The following ILDR2 variants were observed in gnomAD, a reference collection of about 807,000 sequenced individuals.
The protein encoded by ILDR2 is immunoglobulin like domain containing receptor 2, also known as immunoglobulin-like domain-containing receptor 2.
In ILDR2, 25 loss-of-function variants were observed where a neutral mutation model predicts 66.8. That is an observed-to-expected ratio of 0.37 (90% CI 0.27 to 0.52). ILDR2 has a LOEUF of 0.52. ILDR2 is among the 20% of genes least tolerant of loss of function. The pLI, the probability that ILDR2 is intolerant of heterozygous loss-of-function variation, is 0.88. For synonymous variants in ILDR2, 367 were observed against 357.2 expected, an observed-to-expected ratio of 1.03 and a Z score of -0.31; for missense variants, 827 against 876.8, an observed-to-expected ratio of 0.94 and a Z score of 0.72.
At chr1:166,960,082 C>T (rs1280559118) in intron 1 of ILDR2, among the ~76,000 whole-genome samples, 1 of 152,174 alleles carries the variant, frequency 6.6e-6, no homozygotes, top group Non-Finnish European at 1.5e-5. Flanking sequence ...GGGCAAGATA[C>T]ATGTTTGTAC....
In ILDR2 at chr1:166,909,483, T is replaced by C. The variant is rs575634370; in HGVS notation, c.*9872A>G. ...TGTTCTTAAGCTAGTCTGAGCTATC[T>C]TCCTGTCATTTGCAACCAAAAATTT... On this transcript the variant is annotated 3_prime_UTR_variant, in exon 10 of 10. Transcript: ENST00000271417. 6.6e-6 allele frequency: 1 copy of C among 151,862 alleles called. No individual in the cohort carries two copies. The highest frequency in any genetic ancestry group is 1.9e-4 in the East Asian group (1 of 5,152). 9.4% of individuals were successfully genotyped at this position (151,862 alleles called of 1,614,324 possible). A position where few individuals can be genotyped will look rare whatever the true frequency, so the allele number is the denominator to read the frequency against.
chr1:166,908,593 C>G lies in ILDR2; in HGVS notation c.*10762G>C, dbSNP rs997733612. The G allele has an allele frequency of 5.3e-5, 8 of 152,180 alleles. No homozygotes were observed. The highest frequency in any genetic ancestry group is 1.2e-4 in the Non-Finnish European group (8 of 68,034). The allele number at this position is 152,180 out of a possible 1,614,324, so 9.4% of individuals were successfully genotyped here. ...CCAGCATTAAGTATTTTTCTTGAAA[C>G]TGTCTGGAACCTCTAACAAAAAAAG... On this transcript the variant is annotated 3_prime_UTR_variant, in exon 10 of 10. Coordinates refer to ENST00000271417, the MANE Select transcript of ILDR2 (RefSeq NM_199351.3).
chr1:166,958,126 G>A (rs376741265), intron 1 of ILDR2, 25 bp from the exon 2 acceptor site: 26 of 1,578,576 alleles, frequency 1.6e-5, no homozygotes, highest in South Asian at 8.0e-5. Flanking sequence ...AAACATGTCC[G>A]AACAGTGTCC....
At chr1:166,898,037 G>C (rs1307537762) in intron 2 of ILDR2, among the ~76,000 whole-genome samples, 1 of 152,194 alleles carries the variant, frequency 6.6e-6, no homozygotes, top group African/African-American at 2.4e-5. Context: ...ACTCATTCTG[G>C]GTAGCTAGCA....
rs932683627 is a variant in ILDR2, at chr1:166,936,931, G to A, written c.557-194C>T. On this transcript the variant is annotated intron_variant, in intron 4 of 9. Coordinates refer to ENST00000271417, the MANE Select transcript of ILDR2 (RefSeq NM_199351.3). The surrounding 1 kb of genome is among the most constrained non-coding windows in gnomAD (Gnocchi z 5.0). Reference sequence around the variant, plus strand: ...AGGAGTGCAGACCCTCAGTCCCGGGGAATGGAGAAGAGGGAAGAAGGTTAT... The same window carrying A: ...AGGAGTGCAGACCCTCAGTCCCGGGAAATGGAGAAGAGGGAAGAAGGTTAT... 3.3e-5 allele frequency among the ~76,000 whole-genome samples: 5 copies of A among 152,164 alleles called. No homozygotes were observed. The highest frequency in any genetic ancestry group is 3.3e-4 in the Admixed American group (5 of 15,282).
chr1:166,934,258 G>T (rs1333046228), intron 6 of ILDR2, among the ~76,000 whole-genome samples: 1 of 152,062 alleles, frequency 6.6e-6, no homozygotes, highest in Non-Finnish European at 1.5e-5. Flanking sequence ...CTCAAATGGG[G>T]CTAACCTTCA....
chr1:166,916,849 G>A lies in ILDR2; in HGVS notation c.*2506C>T, dbSNP rs1362508510. On this transcript the variant is annotated 3_prime_UTR_variant, in exon 10 of 10. Coordinates refer to ENST00000271417, the MANE Select transcript of ILDR2 (RefSeq NM_199351.3). ...TTTTAATAATTCTTTCTTTCCCATT[G>A]CTACCCTCAACCTTCACCAAAATCA... 6.6e-6 allele frequency: 1 copy of A among 152,082 alleles called. No individual in the cohort carries two copies. Among genetic ancestry groups the A allele is most frequent in the Non-Finnish European group, 1.5e-5 (1 of 68,032 alleles). 9.4% of individuals were successfully genotyped at this position (152,082 alleles called of 1,614,324 possible). A position where few individuals can be genotyped will look rare whatever the true frequency, so the allele number is the denominator to read the frequency against.
chr1:166,969,748 A>T (rs191175715), intron 1 of ILDR2, among the ~76,000 whole-genome samples: 4 of 152,352 alleles, frequency 2.6e-5, no homozygotes, highest in Admixed American at 1.3e-4. Context: ...CTAAATCAGG[A>T]GTTACAGTTT....
Position 166,921,053 on chromosome 1 carries a change from A to G in ILDR2, c.1538T>C (p.Leu513Pro). ...RPAEDAHLPR[L>P]VSRTPGTAPK... ...TGCGGTGCCTGGCGTGCGGCTCACC[A>G]GCCGCGGCAGGTGCGCGTCCTCGGC... The change falls in exon 9 of 10, where the codon CTG (leucine) becomes CCG (proline). Residue 513 changes from leucine to proline, a missense_variant. Leu to Pro is a moderately conservative substitution (Grantham distance 98). Transcript: ENST00000271417. This position sits in a 1 kb window ranked among gnomAD's most constrained non-coding sequence, Gnocchi z 5.3. 6.7e-7 allele frequency: 1 copy of G among 1,496,934 alleles called. No individual in the cohort carries two copies. The highest frequency in any genetic ancestry group is 1.3e-5 in the South Asian group (1 of 78,778). The allele number at this position is 1,496,934 out of a possible 1,614,324, so 92.7% of individuals were successfully genotyped here. A position where few individuals can be genotyped will look rare whatever the true frequency, so the allele number is the denominator to read the frequency against.
chr1:166,914,065 T>C lies in ILDR2; in HGVS notation c.*5290A>G, dbSNP rs1311250366. On this transcript the variant is annotated 3_prime_UTR_variant, in exon 10 of 10. Transcript: ENST00000271417. ...GGAGTTTGAGACTGCAGTGAGCTGA[T>C]AGCACCACTGCACTGCACTGCACCA... The C allele has an allele frequency of 1.3e-5, 2 of 148,644 alleles. No individual in the cohort carries two copies. Among genetic ancestry groups the C allele is most frequent in the Non-Finnish European group, 3.0e-5 (2 of 67,680 alleles). The allele number at this position is 148,644 out of a possible 1,614,324, so 9.2% of individuals were successfully genotyped here.
At chr1:166,955,394 G>A (rs1662218712) in intron 3 of ILDR2, among the ~76,000 whole-genome samples, 1 of 152,102 alleles carries the variant, frequency 6.6e-6, no homozygotes, top group Non-Finnish European at 1.5e-5. Context: ...GATCACTTGA[G>A]GACAGGAGTT....
intron 3 of ILDR2, among the ~76,000 whole-genome samples, chr1:166,948,464 T>A (rs898162424): frequency 6.6e-6 from 1 of 152,176 alleles, no homozygotes; most frequent in African/African-American, 2.4e-5. Context: ...TCAAATGGCC[T>A]GGCCTGTGTG....
chr1:166,898,917 G>A lies in ILDR2; in HGVS notation n.172-2816C>T, dbSNP rs113340759. Among the ~76,000 whole-genome samples, 1,359 of 151,800 alleles carry A rather than the reference G, an allele frequency of 9.0e-3. 18 individuals are homozygous for A. Among genetic ancestry groups the A allele is most frequent in the African/African-American group, 0.03 (1,255 of 41,376 alleles). Reference sequence around the variant, plus strand: ...TTAAAAAAAAAAAAAGAAATTAGCCGGACATGGTGGCACATACCTGTAGTC... The same window carrying A: ...TTAAAAAAAAAAAAAGAAATTAGCCAGACATGGTGGCACATACCTGTAGTC... On this transcript the variant is annotated intron_variant and non_coding_transcript_variant, in intron 2 of 2. Transcript: ENST00000414590.
rs1571084990 is a variant in ILDR2 at position 166,911,690 on chromosome 1, C to T, written c.*7665G>A. 2 of 144,948 alleles carry T rather than the reference C, an allele frequency of 1.4e-5. No homozygotes were observed. Among genetic ancestry groups the T allele is most frequent in the South Asian group, 4.3e-4 (2 of 4,690 alleles). 9.0% of individuals were successfully genotyped at this position (144,948 alleles called of 1,614,324 possible). ...AAAAAAAGAGTAAGTCACAAGACAA[C>T]AGGGACTATGTAAATTTGAAAAAGA... On this transcript the variant is annotated 3_prime_UTR_variant, in exon 10 of 10. Transcript: ENST00000271417.
chr1:166,972,199 G>A (rs1183901069), intron 1 of ILDR2, among the ~76,000 whole-genome samples: 2 of 151,434 alleles, frequency 1.3e-5, no homozygotes, highest in Admixed American at 6.6e-5. Flanking sequence ...GTGACAGAGT[G>A]AGACTCTGTC....
At position 166,909,750 on chromosome 1, in the gene ILDR2, T is replaced by TAA. The variant is rs1314122751; in HGVS notation, c.*9604_*9605insTT. 7.1e-4 allele frequency: 77 copies of TAA among 107,978 alleles called. No individual in the cohort carries two copies. The highest frequency in any genetic ancestry group is 2.8e-3 in the African/African-American group (69 of 24,554). The allele number at this position is 107,978 out of a possible 1,614,324, so 6.7% of individuals were successfully genotyped here. ...GTGTATACATACATATATATATATA[T>TAA]ATATATATAAATATATATAAATATA... On this transcript the variant is annotated 3_prime_UTR_variant, in exon 10 of 10. Transcript: ENST00000271417.
intron 6 of ILDR2, among the ~76,000 whole-genome samples, chr1:166,930,563 A>C (rs1360451682): frequency 6.6e-6 from 1 of 152,188 alleles, no homozygotes; most frequent in Non-Finnish European, 1.5e-5. Context: ...AATATACTAA[A>C]CTATTCTCTG....
In ILDR2 at chr1:166,916,283, G is replaced by A. The variant is rs897927585; in HGVS notation, c.*3072C>T. On this transcript the variant is annotated 3_prime_UTR_variant, in exon 10 of 10. Coordinates refer to ENST00000271417, the MANE Select transcript of ILDR2 (RefSeq NM_199351.3). ...CACCAAGTCTATGTTTAAATAAGAT[G>A]ATGGACAAACACATACAACACTTTA... 1.3e-5 allele frequency: 2 copies of A among 152,166 alleles called. No homozygotes were observed. The highest frequency in any genetic ancestry group is 1.5e-5 in the Non-Finnish European group (1 of 68,034). 9.4% of individuals were successfully genotyped at this position (152,166 alleles called of 1,614,324 possible). A position where few individuals can be genotyped will look rare whatever the true frequency, so the allele number is the denominator to read the frequency against.
In ILDR2 at chr1:166,914,390, AAGAC is replaced by A. The variant is rs528722391; in HGVS notation, c.*4961_*4964del. 10 of 152,340 alleles carry A rather than the reference AAGAC, an allele frequency of 6.6e-5. No individual in the cohort carries two copies. The East Asian group carries it at 1.9e-3, about 29-fold the overall frequency. 9.4% of individuals were successfully genotyped at this position (152,340 alleles called of 1,614,324 possible). Reference sequence around the variant, plus strand: ...TAAGGAATTGGAAAGGACACCAGACAAGACAGTCAGAAGGCCTGGCTTTATAATT... The same window carrying A: ...TAAGGAATTGGAAAGGACACCAGACAAGTCAGAAGGCCTGGCTTTATAATT... On this transcript the variant is annotated 3_prime_UTR_variant, in exon 10 of 10. Coordinates refer to ENST00000271417, the MANE Select transcript of ILDR2 (RefSeq NM_199351.3).
Sources: gnomAD v4.1 joint callset for allele counts (sites outside exome capture counted in the v4.1 genomes callset) on GRCh38, gnomAD v4.1.1 for gene constraint, Gnocchi (gnomAD v3.1) non-coding constraint, MANE v1.5 for transcripts, NCBI Gene and HGNC (gene_info 2026-07-23, HGNC 2026-07-21) for gene names.